The following PRIM2 variants were observed in gnomAD, a reference collection of about 807,000 sequenced individuals.
PRIM2 encodes DNA primase subunit 2, also known as DNA primase large subunit.
In PRIM2, 39 loss-of-function variants were observed where a neutral mutation model predicts 67.3. The observed-to-expected ratio is 0.58, with a 90% CI of 0.45 to 0.76. The LOEUF is 0.76. Among genes scored for constraint, PRIM2 ranks in the 30% least tolerant of loss-of-function variants. The probability of loss-of-function intolerance (pLI) is 0.00; values close to 1 mark genes in which losing one functional copy is unlikely to be tolerated. For missense variants in PRIM2, 398 were observed against 598.7 expected (o/e 0.66, Z 3.50); for synonymous variants, 143 against 198.7 (o/e 0.72, Z 2.36).
rs1393176953 is a variant in PRIM2, at chr6:57,564,028, G to A, written c.1020+26403G>A. On this transcript the variant is annotated intron_variant, in intron 10 of 13. Coordinates refer to ENST00000615550, the MANE Select transcript of PRIM2 (RefSeq NM_000947.5). ...ACATGAAGTCCTTTCTGGTTTAGTGGCAAAATAAAAGATACTAATGAGAAT... is the reference window on the plus strand; with the variant it reads ...ACATGAAGTCCTTTCTGGTTTAGTGACAAAATAAAAGATACTAATGAGAAT... Among the ~76,000 whole-genome samples, 282 of 152,226 alleles carry A rather than the reference G, an allele frequency of 1.9e-3. 2 individuals are homozygous for A. Among genetic ancestry groups the A allele is most frequent in the African/African-American group, 6.7e-3 (277 of 41,516 alleles).
At chr6:57,296,712 C>T in the PRIM2 span, among the ~76,000 whole-genome samples, 3 of 151,854 alleles carry the variant, frequency 2.0e-5, no homozygotes, top group Non-Finnish European at 4.4e-5. Flanking sequence ...CAGAGAGGGC[C>T]TGGAATCAAC....
intron 11 of PRIM2, among the ~76,000 whole-genome samples, chr6:57,602,787 C>A (rs1230725891): frequency 6.6e-6 from 1 of 152,180 alleles, no homozygotes; most frequent in Non-Finnish European, 1.5e-5. Context: ...TTATACTTAG[C>A]ACTCAATGAA....
At chr6:57,402,902 T>C (rs1770760254) in intron 7 of PRIM2, among the ~76,000 whole-genome samples, 1 of 152,144 alleles carries the variant, frequency 6.6e-6, no homozygotes, top group African/African-American at 2.4e-5. Flanking sequence ...CTTGCACATA[T>C]CCAGTTTAGA....
intron 10 of PRIM2, among the ~76,000 whole-genome samples, chr6:57,572,371 AT>A (rs1486566488): frequency 1.2e-4 from 18 of 151,982 alleles, no homozygotes; most frequent in African/African-American, 4.3e-4. Context: ...GTTTTAGTGC[AT>A]TTTTTTTCCC....
intron 12 of PRIM2, among the ~76,000 whole-genome samples, chr6:57,628,247 G>T (rs1776987549): frequency 6.6e-6 from 1 of 151,974 alleles, no homozygotes; most frequent in East Asian, 1.9e-4. Context: ...TCTTCCTCTT[G>T]ATGGGTTTCC....
chr6:57,520,356 T>A (rs1774585050), intron 8 of PRIM2, among the ~76,000 whole-genome samples: 1 of 152,180 alleles, frequency 6.6e-6, no homozygotes, highest in Non-Finnish European at 1.5e-5. Context: ...GGAACTTTAT[T>A]CCCTCGACCT....
chr6:57,556,424 T>C (rs1318281672), intron 10 of PRIM2, among the ~76,000 whole-genome samples: 2 of 152,148 alleles, frequency 1.3e-5, no homozygotes, highest in Admixed American at 1.3e-4. Flanking sequence ...AACAACATGG[T>C]ACTGGTACAA....
At chr6:57,285,167 C>T in the PRIM2 span, among the ~76,000 whole-genome samples, 9 of 152,234 alleles carry the variant, frequency 5.9e-5, no homozygotes, top group South Asian at 2.1e-4. Flanking sequence ...CAGGACTGGA[C>T]GGATTCACAG....
chr6:57,272,884 G>T, the PRIM2 span, among the ~76,000 whole-genome samples: 4 of 152,136 alleles, frequency 2.6e-5, no homozygotes, highest in African/African-American at 9.7e-5. Flanking sequence ...CTTCACTTAT[G>T]AAGCTTAGTT....
chr6:57,393,629 G>A (rs9396290), intron 7 of PRIM2, among the ~76,000 whole-genome samples: 3 of 152,002 alleles, frequency 2.0e-5, no homozygotes, highest in Non-Finnish European at 4.4e-5. Flanking sequence ...TACTCTACTG[G>A]CTGTTCCTTT....
intron 10 of PRIM2, among the ~76,000 whole-genome samples, chr6:57,583,035 G>T (rs1466099257): frequency 1.4e-5 from 2 of 147,518 alleles, no homozygotes; most frequent in African/African-American, 2.5e-5. Flanking sequence ...ATAACATGTG[G>T]TGTTTGGTTT....
chr6:57,423,939 T>C (rs1416240325), intron 7 of PRIM2, among the ~76,000 whole-genome samples: 4 of 152,154 alleles, frequency 2.6e-5, no homozygotes, highest in Admixed American at 2.6e-4. Context: ...TGCACAGGAG[T>C]GCAGTGGGTA....
chr6:57,579,156 G>GTT (rs1364730669), intron 10 of PRIM2, among the ~76,000 whole-genome samples: 5,447 of 144,124 alleles, frequency 0.038, 279 homozygotes, highest in Admixed American at 0.13. Context: ...TCTTGATACA[G>GTT]TTTTTTTTTT....
At chr6:57,428,696 C>G (rs1771713273) in intron 7 of PRIM2, among the ~76,000 whole-genome samples, 1 of 152,014 alleles carries the variant, frequency 6.6e-6, no homozygotes, top group Non-Finnish European at 1.5e-5. Flanking sequence ...CTAGGCTTCC[C>G]TAGAGATTCT....
chr6:57,396,889 T>C (rs967531553), intron 7 of PRIM2, among the ~76,000 whole-genome samples: 2 of 152,192 alleles, frequency 1.3e-5, no homozygotes, highest in Non-Finnish European at 2.9e-5. Context: ...AGCATTTGTT[T>C]GTCTGAAAAA....
At chr6:57,248,719 G>A in the PRIM2 span, among the ~76,000 whole-genome samples, 1 of 152,136 alleles carries the variant, frequency 6.6e-6, no homozygotes, top group African/African-American at 2.4e-5. Context: ...ACCAGTCAGA[G>A]GTAGTTTCAT....
intron 12 of PRIM2, among the ~76,000 whole-genome samples, chr6:57,630,690 A>G (rs1777025015): frequency 6.6e-6 from 1 of 151,922 alleles, no homozygotes; most frequent in Non-Finnish European, 1.5e-5. Context: ...TAAAGCTTAA[A>G]TTTATGTTTG....
the PRIM2 span, among the ~76,000 whole-genome samples, chr6:57,287,357 C>A: frequency 6.6e-6 from 1 of 152,136 alleles, no homozygotes; most frequent in Non-Finnish European, 1.5e-5. Flanking sequence ...TTGTAACCAA[C>A]CCAAATGCCC....
chr6:57,299,133 A>T, the PRIM2 span, among the ~76,000 whole-genome samples: 2 of 152,082 alleles, frequency 1.3e-5, no homozygotes, highest in African/African-American at 4.8e-5. Context: ...GAGTCCAGTA[A>T]GATAATGCAC....
Sources: gnomAD v4.1 joint callset for allele counts (sites outside exome capture counted in the v4.1 genomes callset) on GRCh38, gnomAD v4.1.1 for gene constraint, MANE v1.5 for transcripts, NCBI Gene and HGNC (gene_info 2026-07-23, HGNC 2026-07-21) for gene names.